PRMT3: variants seen among roughly 807,000 people sequenced by gnomAD.
PRMT3 encodes protein arginine N-methyltransferase 3.
PRMT3 carries 62 observed loss-of-function variants against 71.9 expected under a neutral mutation model. That is an observed-to-expected ratio of 0.86 (90% confidence interval 0.70 to 1.07). The LOEUF is 1.07. Ranked by LOEUF, PRMT3 falls within the 50% of genes least tolerant of loss-of-function variation. The probability of loss-of-function intolerance (pLI) is 0.00; values close to 1 mark genes in which losing one functional copy is unlikely to be tolerated. For missense variants in PRMT3, 663 were observed against 643.0 expected, an observed-to-expected ratio of 1.03 and a Z score of -0.34; for synonymous variants, 213 against 220.4, an observed-to-expected ratio of 0.97 and a Z score of 0.30.
intron 13 of PRMT3, among the ~76,000 whole-genome samples, chr11:20,474,250 A>G (rs1590091268): frequency 1.3e-5 from 2 of 152,316 alleles, no homozygotes; most frequent in Admixed American, 1.3e-4. Context: ...TTCCTTGTCC[A>G]GACCATCTGG....
chr11:20,459,802 A>T (rs1850342969), intron 11 of PRMT3, among the ~76,000 whole-genome samples: 1 of 152,214 alleles, frequency 6.6e-6, no homozygotes, highest in Non-Finnish European at 1.5e-5. Flanking sequence ...CAAACTAAAT[A>T]CACTTCCTTA....
At chr11:20,499,666 A>G (rs1413978776) in intron 15 of PRMT3, among the ~76,000 whole-genome samples, 1 of 152,200 alleles carries the variant, frequency 6.6e-6, no homozygotes, top group Admixed American at 6.5e-5. Flanking sequence ...AGATGGGGAA[A>G]AGGACACAAA....
intron 10 of PRMT3, among the ~76,000 whole-genome samples, chr11:20,438,371 G>A (rs1849809722): frequency 6.6e-6 from 1 of 152,060 alleles, no homozygotes; most frequent in Admixed American, 6.5e-5. Flanking sequence ...TGCAGCAGCA[G>A]CAAGTACCCT....
intron 7 of PRMT3, among the ~76,000 whole-genome samples, chr11:20,402,213 G>A (rs578012151): frequency 1.7e-3 from 264 of 151,782 alleles, no homozygotes; most frequent in Non-Finnish European, 2.5e-3. Context: ...TCCGCCTCCC[G>A]GGTTCAAGAG....
intron 8 of PRMT3, among the ~76,000 whole-genome samples, chr11:20,403,419 A>G (rs1848992458): frequency 6.6e-6 from 1 of 152,192 alleles, no homozygotes; most frequent in African/African-American, 2.4e-5. Flanking sequence ...CTATGGTAGT[A>G]TAGTATTTAG....
chr11:20,397,473 A>G (rs1432390419), intron 6 of PRMT3, 104 bp from the exon 7 acceptor site: 2 of 1,144,832 alleles, frequency 1.7e-6, no homozygotes, highest in East Asian at 2.4e-5. Flanking sequence ...TAGAAGACTC[A>G]TCACACTGTA....
At chr11:20,436,603 T>C (rs1411603347) in intron 10 of PRMT3, among the ~76,000 whole-genome samples, 1 of 152,194 alleles carries the variant, frequency 6.6e-6, no homozygotes, top group Non-Finnish European at 1.5e-5. Context: ...GTGTACATTT[T>C]GTCATCCTTG....
chr11:20,398,267 T>C (rs537278332), intron 7 of PRMT3, among the ~76,000 whole-genome samples: 1 of 152,260 alleles, frequency 6.6e-6, no homozygotes, highest in East Asian at 1.9e-4. Flanking sequence ...CCAATAATAA[T>C]TCTTTGATAT....
At chr11:20,503,990 A>G (rs1851519553) in intron 15 of PRMT3, among the ~76,000 whole-genome samples, 1 of 152,220 alleles carries the variant, frequency 6.6e-6, no homozygotes, top group Admixed American at 6.5e-5. Context: ...TTTAACACTT[A>G]TAAAAAAGAT....
intron 10 of PRMT3, among the ~76,000 whole-genome samples, chr11:20,438,299 G>A (rs1463077281): frequency 6.6e-6 from 1 of 151,360 alleles, no homozygotes; most frequent in Non-Finnish European, 1.5e-5. Flanking sequence ...ACACTGTACA[G>A]TAGTGACTTT....
At chr11:20,420,771 G>T (rs1467559873) in intron 9 of PRMT3, among the ~76,000 whole-genome samples, 1 of 152,120 alleles carries the variant, frequency 6.6e-6, no homozygotes, top group Non-Finnish European at 1.5e-5. Context: ...GTATTGTGAT[G>T]AAGCATTGAA....
At chr11:20,464,843 A>AGGG (rs1378181905) in intron 13 of PRMT3, among the ~76,000 whole-genome samples, 2 of 152,176 alleles carry the variant, frequency 1.3e-5, no homozygotes, top group African/African-American at 2.4e-5. Flanking sequence ...ATCTTCAAAG[A>AGGG]CCAAAGTTCA....
chr11:20,493,961 C>A lies in PRMT3; in HGVS notation c.1390C>A (p.His464Asn), dbSNP rs1226266249. ...YFDIYFEKNCHNRVVFSTGPQ... is the reference protein window; with the variant it reads ...YFDIYFEKNCNNRVVFSTGPQ... ...TGATATATATTTTGAGAAGAATTGC[C>A]ACAACAGGGTAAGTATCATGAATTA... Residue 464 changes from histidine to asparagine, a missense_variant, in exon 14 of 16, where the codon CAC becomes AAC. Coordinates refer to ENST00000331079, the MANE Select transcript of PRMT3 (RefSeq NM_005788.4). 1 of 1,589,292 alleles carries A rather than the reference C, an allele frequency of 6.3e-7. No individual in the cohort carries two copies. The highest frequency in any genetic ancestry group is 1.7e-5 in the Admixed American group (1 of 58,464).
At chr11:20,395,490 C>CGA (rs1848804763) in intron 5 of PRMT3, among the ~76,000 whole-genome samples, 1 of 151,746 alleles carries the variant, frequency 6.6e-6, no homozygotes, top group African/African-American at 2.4e-5. Flanking sequence ...ACTAAAGGCT[C>CGA]GCATCACCAG....
intron 7 of PRMT3, among the ~76,000 whole-genome samples, chr11:20,400,445 T>C (rs1469701400): frequency 1.3e-5 from 2 of 152,212 alleles, no homozygotes; most frequent in East Asian, 3.8e-4. Context: ...ACTTTATCTT[T>C]TTGAAGAAGA....
intron 9 of PRMT3, among the ~76,000 whole-genome samples, chr11:20,412,297 A>G (rs1426503291): frequency 1.3e-5 from 2 of 152,150 alleles, no homozygotes; most frequent in African/African-American, 4.8e-5. Flanking sequence ...AGTCATGGTC[A>G]TCAGAGCAGA....
chr11:20,494,964 T>G lies in PRMT3; in HGVS notation c.1486+710T>G, dbSNP rs146192529. 6.5e-3 allele frequency among the ~76,000 whole-genome samples: 992 copies of G among 152,278 alleles called. 11 individuals are homozygous for G. The highest frequency in any genetic ancestry group is 0.023 in the African/African-American group (940 of 41,562). ...GTTATTGTAGGCCAGGCACAGTGGCTTATGCCTGTAATAAGCCACTTTGGG... is the reference window on the plus strand; with the variant it reads ...GTTATTGTAGGCCAGGCACAGTGGCGTATGCCTGTAATAAGCCACTTTGGG... On this transcript the variant is annotated intron_variant, in intron 15 of 15. Transcript: ENST00000331079.
At chr11:20,454,801 A>G (rs755214656) in intron 11 of PRMT3, among the ~76,000 whole-genome samples, 2 of 152,090 alleles carry the variant, frequency 1.3e-5, no homozygotes, top group African/African-American at 2.4e-5. Context: ...TACAAACGTG[A>G]TGGGACCACA....
At chr11:20,453,351 A>C (rs1366504167) in intron 11 of PRMT3, among the ~76,000 whole-genome samples, 1 of 150,528 alleles carries the variant, frequency 6.6e-6, no homozygotes, top group Non-Finnish European at 1.5e-5. Flanking sequence ...TCCAAAAATT[A>C]GCTGGGCTTG....
Sources: allele counts gnomAD v4.1 joint callset (sites outside exome capture counted in the v4.1 genomes callset), GRCh38; gene constraint gnomAD v4.1.1; transcripts MANE v1.5; gene names NCBI Gene and HGNC (gene_info 2026-07-23, HGNC 2026-07-21).